EPHB1: variants seen among roughly 807,000 people sequenced by gnomAD.
EPHB1 encodes EPH receptor B1.
A neutral mutation model predicts 94.4 loss-of-function variants in EPHB1; 30 were observed. That is an observed-to-expected ratio of 0.32 (90% CI 0.24 to 0.43). EPHB1 has a LOEUF of 0.43. EPHB1 is among the 20% of genes least tolerant of loss of function. The probability of loss-of-function intolerance (pLI) is 1.00; values close to 1 mark genes in which losing one functional copy is unlikely to be tolerated. For synonymous variants in EPHB1, 522 were observed against 489.1 expected (o/e 1.07, Z -0.89); for missense variants, 1,055 against 1,308.3 (o/e 0.81, Z 2.99).
chr3:135,100,870 T>C (rs922737121), intron 3 of EPHB1, among the ~76,000 whole-genome samples: 2 of 152,160 alleles, frequency 1.3e-5, no homozygotes, highest in Non-Finnish European at 2.9e-5. Flanking sequence ...ATGGAAAATA[T>C]ATACACGTTT....
intron 5 of EPHB1, among the ~76,000 whole-genome samples, chr3:135,137,807 A>G (rs769933451): frequency 6.6e-6 from 1 of 152,104 alleles, no homozygotes; most frequent in Non-Finnish European, 1.5e-5. Flanking sequence ...AATTTGCCGT[A>G]TTTTTTCTCC....
At chr3:134,870,115 T>C (rs944278184) in intron 1 of EPHB1, among the ~76,000 whole-genome samples, 3 of 152,122 alleles carry the variant, frequency 2.0e-5, no homozygotes, top group African/African-American at 7.2e-5. Context: ...CTGGCATAGA[T>C]GGGTTAATTG....
At chr3:134,940,025 G>C (rs1455817845) in intron 2 of EPHB1, among the ~76,000 whole-genome samples, 1 of 152,220 alleles carries the variant, frequency 6.6e-6, no homozygotes, top group African/African-American at 2.4e-5. Context: ...CAAGAGAAGA[G>C]AGCCTATGAT....
chr3:134,842,101 G>A (rs937735812), intron 1 of EPHB1, among the ~76,000 whole-genome samples: 4 of 152,046 alleles, frequency 2.6e-5, no homozygotes, highest in African/African-American at 4.8e-5. Flanking sequence ...TCATGACAGT[G>A]GCCCCTTCAT....
At chr3:135,041,270 C>T (rs1224831565) in intron 3 of EPHB1, among the ~76,000 whole-genome samples, 1 of 152,184 alleles carries the variant, frequency 6.6e-6, no homozygotes, top group Non-Finnish European at 1.5e-5. Context: ...AGCCTTCCCC[C>T]AAACCATAAT....
At chr3:135,141,536 G>A (rs1259730352) in intron 5 of EPHB1, among the ~76,000 whole-genome samples, 1 of 152,120 alleles carries the variant, frequency 6.6e-6, no homozygotes, top group Non-Finnish European at 1.5e-5. Flanking sequence ...TTGCAGGAAG[G>A]GGCTTGCATG....
chr3:135,080,866 C>T (rs1938140342), intron 3 of EPHB1, among the ~76,000 whole-genome samples: 1 of 152,196 alleles, frequency 6.6e-6, no homozygotes, highest in Non-Finnish European at 1.5e-5. Context: ...AGAGCAAGTC[C>T]TTGCCCATGA....
At position 135,259,394 on chromosome 3, in the gene EPHB1, A is replaced by G. The variant is rs3182239; in HGVS notation, c.*274A>G. The G allele has an allele frequency of 0.085, 23,733 of 279,188 alleles. 1,252 individuals are homozygous for G. The highest frequency in any genetic ancestry group is 0.15 in the Middle Eastern group (147 of 982). The allele number at this position is 279,188 out of a possible 1,614,324, so 17.3% of individuals were successfully genotyped here. ...AAGTGAAGACAAAACAATATGCATC[A>G]GGAGAACAAGAGTAAACCCAGCTCC... On this transcript the variant is annotated 3_prime_UTR_variant, in exon 16 of 16. Transcript: ENST00000398015.
At chr3:134,958,610 G>A (rs1018215948) in intron 3 of EPHB1, among the ~76,000 whole-genome samples, 2 of 152,144 alleles carry the variant, frequency 1.3e-5, no homozygotes, top group South Asian at 4.1e-4. Context: ...GGAGGCCAGG[G>A]TCATTAACAC....
chr3:135,201,741 A>T (rs950169971), intron 12 of EPHB1, 52 bp downstream of exon 12: 9 of 1,552,854 alleles, frequency 5.8e-6, no homozygotes, highest in Non-Finnish European at 8.0e-6. Context: ...GTTAAAGGGG[A>T]CTCTACATGG....
At chr3:135,094,242 C>T (rs1209257895) in intron 3 of EPHB1, among the ~76,000 whole-genome samples, 1 of 152,224 alleles carries the variant, frequency 6.6e-6, no homozygotes, top group Non-Finnish European at 1.5e-5. Context: ...TGTCCCACTC[C>T]CCTCCATGCT....
intron 1 of EPHB1, among the ~76,000 whole-genome samples, chr3:134,862,849 G>A (rs1386459443): frequency 1.3e-5 from 2 of 152,182 alleles, no homozygotes; most frequent in Non-Finnish European, 2.9e-5. Context: ...TGTCCTTTTG[G>A]GGCCCAGTGT....
intron 11 of EPHB1, 146 bp downstream of exon 11, chr3:135,192,969 CTAA>C (rs1942498715): frequency 8.4e-7 from 1 of 1,190,952 alleles, no homozygotes. Flanking sequence ...AGATTTGTTG[CTAA>C]AAGAAGAGAA....
At chr3:135,181,092 C>A (rs1942141183) in intron 10 of EPHB1, among the ~76,000 whole-genome samples, 1 of 152,196 alleles carries the variant, frequency 6.6e-6, no homozygotes. Context: ...CTGTTCACTG[C>A]TCTCTTAATG....
chr3:135,246,208 A>G (rs944573951), intron 13 of EPHB1, among the ~76,000 whole-genome samples: 3 of 151,774 alleles, frequency 2.0e-5, no homozygotes, highest in Non-Finnish European at 4.4e-5. Context: ...TTGAGTTTGG[A>G]CTCTAGCTCC....
intron 1 of EPHB1, among the ~76,000 whole-genome samples, chr3:134,817,892 G>A (rs1044765250): frequency 2.0e-5 from 3 of 152,230 alleles, no homozygotes; most frequent in Non-Finnish European, 4.4e-5. Context: ...GGGGGAAAGC[G>A]CAATGACTGG....
In EPHB1 at chr3:135,249,324, C is replaced by T; in HGVS notation, c.2691-12C>T. 8 of 1,606,062 alleles carry T rather than the reference C, an allele frequency of 5.0e-6. No homozygotes were observed. Among genetic ancestry groups the T allele is most frequent in the Non-Finnish European group, 6.8e-6 (8 of 1,176,574 alleles). On this transcript the variant is annotated splice_polypyrimidine_tract_variant and intron_variant, in intron 14 of 15. Transcript: ENST00000398015. The stretch of plus-strand genomic sequence containing the variant: ...GCAATGTGTGGTCACCTGCCCATCT[C>T]TGTCTCACCAGGCCTTCCCAGCCCC...
chr3:135,245,970 G>A (rs1559889651), intron 13 of EPHB1, among the ~76,000 whole-genome samples: 1 of 152,086 alleles, frequency 6.6e-6, no homozygotes, highest in Non-Finnish European at 1.5e-5. Context: ...AAAGAGGTTG[G>A]GTCAGCTGGT....
chr3:135,139,466 C>T (rs894934313), intron 5 of EPHB1, among the ~76,000 whole-genome samples: 11 of 152,300 alleles, frequency 7.2e-5, no homozygotes, highest in Admixed American at 7.2e-4. Context: ...TTTTTAGGGG[C>T]TCCCATTTAT....
Sources: gnomAD v4.1 joint callset for allele counts (sites outside exome capture counted in the v4.1 genomes callset) on GRCh38, gnomAD v4.1.1 for gene constraint, MANE v1.5 for transcripts, NCBI Gene and HGNC (gene_info 2026-07-23, HGNC 2026-07-21) for gene names.